The following ROBO2 variants were observed in gnomAD, a reference collection of about 807,000 sequenced individuals.
ROBO2 encodes the protein roundabout guidance receptor 2.
ROBO2 carries 53 observed loss-of-function variants against 160.8 expected under a neutral mutation model. The observed-to-expected ratio is 0.33, with a 90% CI of 0.26 to 0.41. ROBO2 has a LOEUF of 0.41. ROBO2 is among the 10% of genes least tolerant of loss of function. The pLI is 1.00. For synonymous variants in ROBO2, 664 were observed against 611.7 expected (o/e 1.09, Z -1.26); for missense variants, 1,577 against 1,722.4 (o/e 0.92, Z 1.49).
intron 2 of ROBO2, among the ~76,000 whole-genome samples, chr3:76,423,205 G>A (rs1017805970): frequency 6.6e-6 from 1 of 152,164 alleles, no homozygotes; most frequent in African/African-American, 2.4e-5. Context: ...GGATGAAATA[G>A]AGGATCTCCC....
chr3:76,795,784 C>T (rs1332840975), intron 2 of ROBO2, among the ~76,000 whole-genome samples: 1 of 152,088 alleles, frequency 6.6e-6, no homozygotes, highest in Non-Finnish European at 1.5e-5. Flanking sequence ...AAGGTGAATC[C>T]TTTTCAGAAG....
At chr3:77,164,428 GA>G (rs2078777860) in intron 2 of ROBO2, among the ~76,000 whole-genome samples, 1 of 138,992 alleles carries the variant, frequency 7.2e-6, no homozygotes, top group African/African-American at 2.6e-5. Flanking sequence ...CCCCGTCCGG[GA>G]GGGAGGTGGG....
At chr3:77,377,449 A>G (rs562207859) in intron 2 of ROBO2, among the ~76,000 whole-genome samples, 5 of 152,346 alleles carry the variant, frequency 3.3e-5, no homozygotes, top group Admixed American at 6.5e-5. Flanking sequence ...AAATTTTTAT[A>G]TAACATATTA....
chr3:75,921,171 G>A (rs1225976796), intron 1 of ROBO2, among the ~76,000 whole-genome samples: 1 of 151,952 alleles, frequency 6.6e-6, no homozygotes, highest in African/African-American at 2.4e-5. Flanking sequence ...GCTGGTACTG[G>A]TTTTTCCTTT....
intron 2 of ROBO2, among the ~76,000 whole-genome samples, chr3:76,457,111 C>T (rs998376161): frequency 1.7e-4 from 26 of 152,290 alleles, no homozygotes; most frequent in African/African-American, 6.0e-4. Flanking sequence ...ACCAACCATG[C>T]CTTCCTAGTA....
At chr3:76,170,767 C>T (rs1197483430) in intron 2 of ROBO2, among the ~76,000 whole-genome samples, 1 of 152,114 alleles carries the variant, frequency 6.6e-6, no homozygotes, top group Admixed American at 6.5e-5. Flanking sequence ...ATCATACATA[C>T]ATATATCACT....
chr3:76,272,832 T>TATGTATTTTATATATAAAATATATAAA (rs1707572162), intron 2 of ROBO2, among the ~76,000 whole-genome samples: 1 of 38,302 alleles, frequency 2.6e-5, no homozygotes, highest in Non-Finnish European at 5.1e-5. Flanking sequence ...ATATATAAAA[T>TATGTATTTTATATATAAAATATATAAA]ATATATATTA....
intron 2 of ROBO2, among the ~76,000 whole-genome samples, chr3:76,358,622 C>T (rs1030024485): frequency 2.0e-5 from 3 of 151,708 alleles, no homozygotes; most frequent in Admixed American, 1.3e-4. Context: ...CAAATGATAG[C>T]TGGAAAGAGA....
intron 2 of ROBO2, among the ~76,000 whole-genome samples, chr3:76,965,767 A>G (rs923918060): frequency 8.2e-5 from 10 of 121,866 alleles, no homozygotes; most frequent in African/African-American, 3.5e-4. Flanking sequence ...TTGCTATACC[A>G]TTATTTATTG....
chr3:76,092,486 A>G (rs1477525887), intron 2 of ROBO2, among the ~76,000 whole-genome samples: 12 of 152,178 alleles, frequency 7.9e-5, no homozygotes, highest in Admixed American at 2.0e-4. Context: ...GGCTAATGGC[A>G]TAACTTCTAT....
chr3:75,911,737 T>G (rs1228724897), intron 1 of ROBO2, among the ~76,000 whole-genome samples: 1 of 151,702 alleles, frequency 6.6e-6, no homozygotes, highest in Admixed American at 6.6e-5. Flanking sequence ...TTTGTATTTT[T>G]AGTAGAGACG....
At chr3:75,964,041 A>G (rs1234845604) in intron 2 of ROBO2, among the ~76,000 whole-genome samples, 1 of 151,754 alleles carries the variant, frequency 6.6e-6, no homozygotes. Context: ...CGTTCAGCCC[A>G]TAACTAACAC....
intron 2 of ROBO2, among the ~76,000 whole-genome samples, chr3:76,617,574 G>T (rs905726285): frequency 6.6e-6 from 1 of 151,926 alleles, no homozygotes; most frequent in African/African-American, 2.4e-5. Context: ...GTAGAATTTG[G>T]CAATGGAAAA....
At chr3:77,219,196 A>T (rs12630365) in intron 2 of ROBO2, among the ~76,000 whole-genome samples, 66,016 of 151,082 alleles carry the variant, frequency 0.44, 14,922 homozygotes, top group Middle Eastern at 0.61. Context: ...TCTCGAACTC[A>T]GCACCTCAAG....
intron 2 of ROBO2, among the ~76,000 whole-genome samples, chr3:76,617,659 C>T (rs550647675): frequency 5.9e-5 from 9 of 152,204 alleles, no homozygotes; most frequent in South Asian, 2.1e-4. Flanking sequence ...TTCAGCCCTT[C>T]TTCTATTCCA....
At chr3:76,581,871 T>C (rs1346686871) in intron 2 of ROBO2, among the ~76,000 whole-genome samples, 1 of 152,226 alleles carries the variant, frequency 6.6e-6, no homozygotes, top group African/African-American at 2.4e-5. Flanking sequence ...ATTTTCAAGA[T>C]ATATCAGGAC....
chr3:76,798,892 AAACAAC>A (rs60526472), intron 2 of ROBO2, among the ~76,000 whole-genome samples: 10 of 150,020 alleles, frequency 6.7e-5, no homozygotes, highest in South Asian at 2.1e-4. Context: ...GACCTTTTCT[AAACAAC>A]AACAACAACA....
At chr3:76,393,836 TG>T (rs1335208467) in intron 2 of ROBO2, among the ~76,000 whole-genome samples, 7 of 152,178 alleles carry the variant, frequency 4.6e-5, no homozygotes, top group Non-Finnish European at 8.8e-5. Context: ...TGTAGTAACA[TG>T]GTCCAGGTTT....
At chr3:75,935,039 T>C (rs1342298060) in intron 1 of ROBO2, among the ~76,000 whole-genome samples, 1 of 152,104 alleles carries the variant, frequency 6.6e-6, no homozygotes, top group Non-Finnish European at 1.5e-5. Context: ...ATTAAAAGAA[T>C]GTATATAGGC....
Sources: gnomAD v4.1 joint callset for allele counts (sites outside exome capture counted in the v4.1 genomes callset) on GRCh38, gnomAD v4.1.1 for gene constraint, MANE v1.5 for transcripts, NCBI Gene and HGNC (gene_info 2026-07-23, HGNC 2026-07-21) for gene names.